CCDC178: variants seen among roughly 807,000 people sequenced by gnomAD.
CCDC178 encodes coiled-coil domain containing 178.
CCDC178 carries 126 observed loss-of-function variants against 117.4 expected under a neutral mutation model. The observed-to-expected ratio is 1.07, with a 90% CI of 0.93 to 1.24. The LOEUF (loss-of-function observed/expected upper bound fraction) is 1.24, where lower values mean the gene tolerates loss of function less well. Ranked by LOEUF, CCDC178 falls within the 50% of genes most tolerant of loss-of-function variation. CCDC178 has a pLI of 0.00. For synonymous variants in CCDC178, 283 were observed against 313.4 expected (o/e 0.90, Z 1.02); for missense variants, 1,030 against 986.9 (o/e 1.04, Z -0.59).
chr18:33,010,364 A>G (rs1288719464), intron 21 of CCDC178, among the ~76,000 whole-genome samples: 1 of 152,156 alleles, frequency 6.6e-6, no homozygotes, highest in African/African-American at 2.4e-5. Context: ...GAAATTCTTG[A>G]TGTATGAAGT....
intron 10 of CCDC178, among the ~76,000 whole-genome samples, chr18:33,332,902 G>C (rs1027704094): frequency 2.0e-5 from 3 of 152,034 alleles, no homozygotes; most frequent in African/African-American, 7.2e-5. Context: ...ACAAGCATGA[G>C]CCACCACACC....
intron 11 of CCDC178, among the ~76,000 whole-genome samples, chr18:33,321,075 A>G (rs2062502117): frequency 1.3e-5 from 2 of 152,218 alleles, no homozygotes; most frequent in African/African-American, 2.4e-5. Flanking sequence ...CTTACACCTT[A>G]TACAAAAATT....
intron 20 of CCDC178, among the ~76,000 whole-genome samples, chr18:33,177,967 G>A (rs368342781): frequency 1.3e-5 from 2 of 151,870 alleles, no homozygotes; most frequent in East Asian, 3.9e-4. Flanking sequence ...TGAGTGCTCC[G>A]CAAATTCCTC....
At chr18:33,404,429 A>G (rs1251598341) in intron 3 of CCDC178, among the ~76,000 whole-genome samples, 141 of 152,206 alleles carry the variant, frequency 9.3e-4, no homozygotes, top group Non-Finnish European at 3.2e-4. Flanking sequence ...GGCTATAATA[A>G]TAAAGTAAAA....
chr18:33,398,410 T>C (rs891920047), intron 3 of CCDC178, among the ~76,000 whole-genome samples: 2 of 152,172 alleles, frequency 1.3e-5, no homozygotes, highest in Non-Finnish European at 2.9e-5. Context: ...ATCTACAATT[T>C]ACAAATATAA....
At chr18:33,316,486 T>C (rs2062419923) in intron 11 of CCDC178, among the ~76,000 whole-genome samples, 1 of 151,836 alleles carries the variant, frequency 6.6e-6, no homozygotes, top group Non-Finnish European at 1.5e-5. Flanking sequence ...CGCCGTGGGC[T>C]CCTGCACTGC....
intron 12 of CCDC178, among the ~76,000 whole-genome samples, chr18:33,285,759 A>T (rs2060091070): frequency 6.6e-6 from 1 of 152,188 alleles, no homozygotes; most frequent in South Asian, 2.1e-4. Context: ...TTCCTATGTA[A>T]ACTGCTTTTA....
At chr18:33,086,765 T>C (rs971691940) in intron 21 of CCDC178, among the ~76,000 whole-genome samples, 1 of 151,932 alleles carries the variant, frequency 6.6e-6, no homozygotes, top group Non-Finnish European at 1.5e-5. Flanking sequence ...TATATCAAGG[T>C]TTATTAACCT....
chr18:33,347,274 G>T (rs756831510), intron 8 of CCDC178, among the ~76,000 whole-genome samples: 1 of 152,086 alleles, frequency 6.6e-6, no homozygotes, highest in African/African-American at 2.4e-5. Context: ...GCACCAAGAA[G>T]AAAGAAAACG....
At chr18:33,297,972 G>C (rs1018202095) in intron 11 of CCDC178, among the ~76,000 whole-genome samples, 1 of 151,988 alleles carries the variant, frequency 6.6e-6, no homozygotes, top group Non-Finnish European at 1.5e-5. Flanking sequence ...AACCTGGGAG[G>C]TGGAGCTTGC....
intron 21 of CCDC178, among the ~76,000 whole-genome samples, chr18:32,986,881 GAT>G (rs2055275041): frequency 2.0e-5 from 3 of 151,974 alleles, no homozygotes; most frequent in Admixed American, 6.6e-5. Context: ...TATATTGCAT[GAT>G]AGTTAAAATA....
chr18:33,203,605 C>T (rs957535557), intron 20 of CCDC178, among the ~76,000 whole-genome samples: 11 of 152,170 alleles, frequency 7.2e-5, no homozygotes, highest in Admixed American at 7.2e-4. Context: ...TCTGAACCAG[C>T]AGTCTCAGTG....
intron 15 of CCDC178, among the ~76,000 whole-genome samples, chr18:33,240,605 T>C (rs973497356): frequency 6.6e-6 from 1 of 151,536 alleles, no homozygotes; most frequent in Non-Finnish European, 1.5e-5. Context: ...CTAATAAATA[T>C]GAAAACCTAG....
intron 9 of CCDC178, among the ~76,000 whole-genome samples, chr18:33,343,366 G>A (rs1054078188): frequency 1.3e-5 from 2 of 152,128 alleles, no homozygotes; most frequent in African/African-American, 2.4e-5. Context: ...ATTCATGATG[G>A]TAAGCTTATT....
rs1019204214 is a variant in CCDC178, at chr18:33,375,122, T to C, written c.209-4933A>G. Among the ~76,000 whole-genome samples the C allele has an allele frequency of 2.6e-5, 4 of 152,198 alleles. No homozygotes were observed. In the East Asian group the frequency reaches 7.7e-4, roughly 29 times the overall value. On this transcript the variant is annotated intron_variant, in intron 5 of 22. Coordinates refer to ENST00000383096, the MANE Select transcript of CCDC178 (RefSeq NM_001105528.4). ...ATTGCATTTAAATTGTACCTCCATA[T>C]ATCTGTTTTATAAAAAAGACCACTA...
chr18:33,307,899 T>C (rs2062279826), intron 11 of CCDC178, among the ~76,000 whole-genome samples: 1 of 152,238 alleles, frequency 6.6e-6, no homozygotes, highest in Non-Finnish European at 1.5e-5. Flanking sequence ...TGGGAACCTT[T>C]GTCTAGATTT....
chr18:33,070,613 A>T (rs1202474069), intron 21 of CCDC178, among the ~76,000 whole-genome samples: 2 of 152,040 alleles, frequency 1.3e-5, no homozygotes, highest in Non-Finnish European at 2.9e-5. Flanking sequence ...TGGTAGAGTG[A>T]CCACGGTGAA....
At chr18:32,957,549 G>T (rs372478079) in intron 22 of CCDC178, among the ~76,000 whole-genome samples, 1 of 152,106 alleles carries the variant, frequency 6.6e-6, no homozygotes, top group African/African-American at 2.4e-5. Context: ...GTTAATATTA[G>T]GGAGCCTTAC....
chr18:32,974,688 G>C lies in CCDC178; in HGVS notation c.2389-7C>G. On this transcript the variant is annotated splice_polypyrimidine_tract_variant and splice_region_variant and intron_variant, in intron 21 of 22. Coordinates refer to ENST00000383096, the MANE Select transcript of CCDC178 (RefSeq NM_001105528.4). ...TTCTCTGCAGCTGACAGAGCTAAAG[G>C]GAAGAGGGAGGGGAGAAAACACAAG... The C allele has an allele frequency of 1.9e-6, 3 of 1,611,674 alleles. No homozygotes were observed. The highest frequency in any genetic ancestry group is 2.5e-6 in the Non-Finnish European group (3 of 1,179,564).
Sources: gnomAD v4.1 joint callset for allele counts (sites outside exome capture counted in the v4.1 genomes callset) on GRCh38, gnomAD v4.1.1 for gene constraint, MANE v1.5 for transcripts, NCBI Gene and HGNC (gene_info 2026-07-23, HGNC 2026-07-21) for gene names.